Variants in PCDH11X observed in about 807,000 individuals in gnomAD.
PCDH11X encodes the protein protocadherin-11 X-linked.
PCDH11X carries 18 observed loss-of-function variants against 53.3 expected under a neutral mutation model. That is an observed-to-expected ratio of 0.34 (90% CI 0.23 to 0.50). The LOEUF is 0.50. PCDH11X is among the 20% of genes least tolerant of loss of function. PCDH11X has a pLI of 0.98. For synonymous variants in PCDH11X, 279 were observed against 393.3 expected, an observed-to-expected ratio of 0.71 and a Z score of 3.44; for missense variants, 570 against 1,032.4, an observed-to-expected ratio of 0.55 and a Z score of 6.14.
chrX:92,561,176 T>G (rs1361949858), intron 10 of PCDH11X, among the ~76,000 whole-genome samples: 2 of 104,420 alleles, frequency 1.9e-5, no homozygotes, highest in Non-Finnish European at 3.9e-5. Flanking sequence ...TGGATAGCCT[T>G]ACCAAGAAGG....
intron 6 of PCDH11X, among the ~76,000 whole-genome samples, chrX:92,118,963 G>A (rs1466868763): frequency 8.3e-5 from 9 of 108,932 alleles, no homozygotes; most frequent in Admixed American, 9.9e-5. Context: ...GGATGGTTTC[G>A]ATCTCCTGAC....
intron 9 of PCDH11X, among the ~76,000 whole-genome samples, chrX:92,456,414 A>C (rs1396994837): frequency 9.0e-6 from 1 of 111,695 alleles, no homozygotes; most frequent in African/African-American, 3.2e-5. Context: ...ACAAATGCAG[A>C]ATCAAATTTA....
intron 6 of PCDH11X, among the ~76,000 whole-genome samples, chrX:92,146,495 G>A (rs978707749): frequency 9.0e-6 from 1 of 111,464 alleles, no homozygotes; most frequent in African/African-American, 3.3e-5. Flanking sequence ...TCCGTTTTCT[G>A]CAAAACATCA....
intron 4 of PCDH11X, among the ~76,000 whole-genome samples, chrX:91,823,286 C>G (rs1361009561): frequency 9.0e-6 from 1 of 110,521 alleles, no homozygotes; most frequent in African/African-American, 3.3e-5. Flanking sequence ...TTAAAGTCTC[C>G]CATTATTAAT....
intron 6 of PCDH11X, among the ~76,000 whole-genome samples, chrX:92,176,919 A>G (rs1407031576): frequency 1.8e-5 from 2 of 109,993 alleles, no homozygotes; most frequent in Non-Finnish European, 3.8e-5. Flanking sequence ...TCTTACAGTA[A>G]CTAGCAGATA....
At chrX:91,992,193 C>A (rs2147944893) in intron 6 of PCDH11X, among the ~76,000 whole-genome samples, 2 of 101,380 alleles carry the variant, frequency 2.0e-5, no homozygotes, top group South Asian at 1.0e-3. Flanking sequence ...AATTAGGTTT[C>A]TTAAACTTCC....
intron 8 of PCDH11X, among the ~76,000 whole-genome samples, chrX:92,307,751 G>A (rs1310236639): frequency 4.1e-5 from 4 of 97,442 alleles, no homozygotes; most frequent in Non-Finnish European, 8.2e-5. Context: ...TTATTTAAGT[G>A]CCTCAAGTTG....
intron 6 of PCDH11X, among the ~76,000 whole-genome samples, chrX:92,030,304 T>C (rs890239640): frequency 4.5e-5 from 5 of 110,948 alleles, no homozygotes; most frequent in African/African-American, 1.6e-4. Context: ...TACAATATTA[T>C]AATATTTTCT....
At chrX:91,781,816 A>G (rs1254108544) in intron 1 of PCDH11X, among the ~76,000 whole-genome samples, 1 of 112,088 alleles carries the variant, frequency 8.9e-6, no homozygotes, top group Non-Finnish European at 1.9e-5. Flanking sequence ...GGCGGTCTTG[A>G]CGAAAGAACC....
chrX:92,091,405 A>G (rs1202575228), intron 6 of PCDH11X, among the ~76,000 whole-genome samples: 1 of 110,073 alleles, frequency 9.1e-6, no homozygotes, highest in Admixed American at 9.7e-5. Flanking sequence ...TTTCAACTCT[A>G]TATGTAATTA....
intron 9 of PCDH11X, among the ~76,000 whole-genome samples, chrX:92,403,336 TTTG>T (rs1443420167): frequency 6.5e-5 from 5 of 76,503 alleles, no homozygotes; most frequent in South Asian, 1.8e-3. Flanking sequence ...TACGTTTTTT[TTTG>T]TTTTTTTTTT....
chrX:92,475,608 T>G (rs1444752943), intron 10 of PCDH11X, among the ~76,000 whole-genome samples: 1 of 111,988 alleles, frequency 8.9e-6, no homozygotes, highest in Non-Finnish European at 1.9e-5. Context: ...AAATAATCCT[T>G]TCTTTATTTT....
At chrX:92,137,563 C>T (rs943503984) in intron 6 of PCDH11X, among the ~76,000 whole-genome samples, 1 of 111,259 alleles carries the variant, frequency 9.0e-6, no homozygotes, top group Non-Finnish European at 1.9e-5. Context: ...ACAATTGACC[C>T]ATTTAAAGTG....
intron 6 of PCDH11X, among the ~76,000 whole-genome samples, chrX:91,937,956 T>C (rs756417377): frequency 1.2e-3 from 132 of 111,636 alleles, no homozygotes; most frequent in African/African-American, 4.1e-3. Context: ...TCTTCTCACA[T>C]TGAGAAAATT....
At chrX:91,818,369 A>AT (rs1235410696) in intron 4 of PCDH11X, among the ~76,000 whole-genome samples, 1 of 103,080 alleles carries the variant, frequency 9.7e-6, no homozygotes, top group African/African-American at 4.4e-5. Flanking sequence ...ATGCATGAAG[A>AT]ATTTTTTTTT....
At chrX:92,608,978 A>G (rs1439097749) in intron 10 of PCDH11X, among the ~76,000 whole-genome samples, 2 of 111,184 alleles carry the variant, frequency 1.8e-5, no homozygotes, top group African/African-American at 6.5e-5. Context: ...CCAGAATGTT[A>G]TATAATAGGA....
At chrX:92,470,652 TA>T (rs1448261926) in intron 10 of PCDH11X, among the ~76,000 whole-genome samples, 3 of 111,840 alleles carry the variant, frequency 2.7e-5, no homozygotes, top group Non-Finnish European at 5.7e-5. Flanking sequence ...AGAATTTTTT[TA>T]AATGAAGGAA....
At chrX:91,865,580 T>C (rs1332859035) in intron 5 of PCDH11X, among the ~76,000 whole-genome samples, 1 of 111,936 alleles carries the variant, frequency 8.9e-6, no homozygotes, top group Non-Finnish European at 1.9e-5. Context: ...GTCTTTCATT[T>C]CAGGGTAACA....
In PCDH11X at chrX:92,206,058, A is replaced by G. The variant is rs1284281621; in HGVS notation, c.3114+4603A>G. ...TTATTGACACAATTATTTCTTACAC[A>G]GGGAGTACTTTTTTCTTGAAGATCT... On this transcript the variant is annotated intron_variant, in intron 7 of 10. Coordinates refer to ENST00000682573, the MANE Select transcript of PCDH11X (RefSeq NM_032968.5). Among the ~76,000 whole-genome samples the G allele has an allele frequency of 5.4e-5, 6 of 111,973 alleles. No homozygotes were observed. In the Admixed American group the frequency reaches 5.7e-4, roughly 11 times the overall value.
Sources: gnomAD v4.1 joint callset for allele counts (sites outside exome capture counted in the v4.1 genomes callset) on GRCh38, gnomAD v4.1.1 for gene constraint, MANE v1.5 for transcripts, NCBI Gene and HGNC (gene_info 2026-07-23, HGNC 2026-07-21) for gene names.